The following SCAMP4 variants were observed in gnomAD, a reference collection of about 807,000 sequenced individuals.
SCAMP4 encodes secretory carrier membrane protein 4, also known as secretory carrier-associated membrane protein 4.
Under a neutral mutation model 32.1 loss-of-function variants are expected in SCAMP4, and 19 were observed. The observed-to-expected ratio is 0.59, with a 90% CI of 0.41 to 0.87. The LOEUF (loss-of-function observed/expected upper bound fraction) is 0.87. Among genes scored for constraint, SCAMP4 ranks in the 40% least tolerant of loss-of-function variants. The pLI is 0.00. For missense variants in SCAMP4, 302 were observed against 309.0 expected (o/e 0.98, Z 0.17); for synonymous variants, 152 against 132.7 (o/e 1.15, Z -1.00).
At chr19:1,920,290 A>G (rs4807168) in intron 5 of SCAMP4, 918,533 of 985,228 alleles carry the variant, frequency 0.93, 428,415 homozygotes, top group Non-Finnish European at 0.94. Context: ...CTGGGCTCCC[A>G]TTAGCAAGCT....
rs1251289597 is a variant in SCAMP4, at chr19:1,918,917, T to C, written c.322T>C (p.Phe108Leu). The C allele has an allele frequency of 1.2e-6, 2 of 1,611,870 alleles. No individual in the cohort carries two copies. Among genetic ancestry groups the C allele is most frequent in the African/African-American group, 1.3e-5 (1 of 74,984 alleles). Residue 108 changes from phenylalanine (F) to leucine (L), a missense_variant, in exon 5 of 7, where the codon TTT becomes CTT. Physicochemically the swap from Phe to Leu is conservative, Grantham distance 22. Transcript: ENST00000316097. ...RADSSFNFMA[F>L]FFIFGAQFVL... ...CGACAGCTCCTTTAATTTCATGGCG[T>C]TTTTCTTCATCTTCGGAGCCCAGTT...
rs1268041723 is a variant in SCAMP4, at chr19:1,917,827, G to C, written c.136+5G>C. 1 of 1,613,888 alleles carries C rather than the reference G, an allele frequency of 6.2e-7. No individual in the cohort carries two copies. Among genetic ancestry groups the C allele is most frequent in the Admixed American group, 1.7e-5 (1 of 60,030 alleles). ...GGATCTACCGGCTGTGGATGTGTGAGTGCGCCTGGGGGCAGGAGGCGGGAA... is the reference window on the plus strand; with the variant it reads ...GGATCTACCGGCTGTGGATGTGTGACTGCGCCTGGGGGCAGGAGGCGGGAA... On this transcript the variant is annotated splice_donor_5th_base_variant and intron_variant, in intron 3 of 6. Coordinates refer to ENST00000316097, the MANE Select transcript of SCAMP4 (RefSeq NM_079834.4).
intron 5 of SCAMP4, chr19:1,921,666 C>T: frequency 1.0e-6 from 1 of 985,364 alleles, no homozygotes; most frequent in South Asian, 4.7e-5. Flanking sequence ...TACATCCAAA[C>T]AGAGGTTTAC....
At chr19:1,915,322 T>C (rs2013695822) in intron 2 of SCAMP4, 2 of 514,234 alleles carry the variant, frequency 3.9e-6, no homozygotes, top group South Asian at 2.2e-5. Flanking sequence ...CGTGTTCTCA[T>C]GTGCCCCGGG....
chr19:1,918,242 C>G lies in SCAMP4; in HGVS notation c.252C>G (p.Cys84Trp). The change falls in exon 4 of 7, where the codon TGC (cysteine) becomes TGG (tryptophan). Residue 84 changes from cysteine (C) to tryptophan (W), a missense_variant. By Grantham distance (215) the Cys-to-Trp change is radical. Transcript: ENST00000316097. ...AFVWLLLFTP[C>W]GYVCWFRPVY... ...TGTGGCTGCTCCTGTTCACGCCTTG[C>G]GGCTACGTGTGCTGGTTCCGGCCTG... 1.2e-6 allele frequency: 2 copies of G among 1,609,212 alleles called. No homozygotes were observed. Among genetic ancestry groups the G allele is most frequent in the Non-Finnish European group, 8.5e-7 (1 of 1,179,546 alleles).
chr19:1,919,227 C>T (rs896124001), intron 5 of SCAMP4: 36 of 1,378,030 alleles, frequency 2.6e-5, no homozygotes, highest in African/African-American at 4.4e-5. Context: ...GGTCCGAGCT[C>T]GCCCTGGCAG....
intron 1 of SCAMP4, chr19:1,906,165 G>A (rs571256854): frequency 1.3e-5 from 2 of 152,024 alleles, no homozygotes; most frequent in Admixed American, 6.6e-5. Context: ...TTCGAGACCA[G>A]CCTGTCTAAC....
intron 5 of SCAMP4, chr19:1,919,415 A>C (rs1039804032): frequency 7.4e-5 from 73 of 984,056 alleles, no homozygotes; most frequent in Non-Finnish European, 8.1e-5. Flanking sequence ...CACCTGAGAA[A>C]CTCACAGTCA....
chr19:1,912,965 CTGCGCCATG>C (rs768965706), intron 1 of SCAMP4: 44 of 1,610,076 alleles, frequency 2.7e-5, no homozygotes, highest in African/African-American at 9.3e-5. Flanking sequence ...CCCGCGAGCC[CTGCGCCATG>C]TGCGCCATGG....
intron 5 of SCAMP4, chr19:1,920,276 T>G: frequency 3.0e-6 from 3 of 985,314 alleles, no homozygotes; most frequent in Non-Finnish European, 3.6e-6. Context: ...GTGCCTTTGG[T>G]TTCCTGGGCT....
At chr19:1,913,037 C>G in intron 1 of SCAMP4, 10 of 1,604,054 alleles carry the variant, frequency 6.2e-6, no homozygotes, top group Non-Finnish European at 8.5e-6. Context: ...CCTCGCCCGA[C>G]GGCGCCCTGG....
intron 2 of SCAMP4, among the ~76,000 whole-genome samples, chr19:1,915,825 A>C (rs1364929340): frequency 6.6e-6 from 1 of 152,210 alleles, no homozygotes; most frequent in South Asian, 2.1e-4. Context: ...GGGTGCCTGT[A>C]GTCCCAGCTA....
In SCAMP4 at chr19:1,908,929, A is replaced by T. The variant is rs1442819432; in HGVS notation, c.-42+3490A>T. On this transcript the variant is annotated intron_variant, in intron 1 of 6. Transcript: ENST00000316097. The surrounding 1 kb of genome is among the most constrained non-coding windows in gnomAD (Gnocchi z 4.2). ...AGACCAGCCTGGCCAACATGGTGGAACCCCGTCTCTACTGAAAATACAAAA... is the reference window on the plus strand; with the variant it reads ...AGACCAGCCTGGCCAACATGGTGGATCCCCGTCTCTACTGAAAATACAAAA... Among the ~76,000 whole-genome samples the T allele has an allele frequency of 6.6e-6, 1 of 151,808 alleles. No homozygotes were observed. The highest frequency in any genetic ancestry group is 1.5e-5 in the Non-Finnish European group (1 of 67,996).
chr19:1,913,028 C>G (rs1013163259), intron 1 of SCAMP4: 1 of 1,604,844 alleles, frequency 6.2e-7, no homozygotes, highest in Non-Finnish European at 8.5e-7. Flanking sequence ...ACGGTGCGCC[C>G]TCGCCCGACG....
chr19:1,920,788 C>T (rs1053706509), intron 5 of SCAMP4: 10 of 985,522 alleles, frequency 1.0e-5, no homozygotes, highest in Non-Finnish European at 1.2e-5. Flanking sequence ...CCCCAGCTCT[C>T]CCAGGCTGAG....
chr19:1,922,770 C>T, intron 5 of SCAMP4: 1 of 1,057,174 alleles, frequency 9.5e-7, no homozygotes. Context: ...CCATTCCCTG[C>T]ACGCACAGCC....
intron 2 of SCAMP4, 40 bp from the exon 3 acceptor site, chr19:1,917,654 A>T (rs749822151): frequency 6.2e-7 from 1 of 1,612,912 alleles, no homozygotes; most frequent in Admixed American, 1.7e-5. Context: ...CCTTCAAGAG[A>T]CAAAGTCTGG....
chr19:1,912,079 A>C (rs1428401254), intron 1 of SCAMP4: 2 of 1,454,284 alleles, frequency 1.4e-6, no homozygotes, highest in Admixed American at 5.1e-5. Context: ...TGTCTCCCAC[A>C]GTCGGCCTCG....
chr19:1,925,910 A>ACCCCCCCCC lies in SCAMP4; in HGVS notation c.*1627_*1635dup, dbSNP rs71174396. 6 of 112,702 alleles carry ACCCCCCCCC rather than the reference A, an allele frequency of 5.3e-5. No individual in the cohort carries two copies. Among genetic ancestry groups the ACCCCCCCCC allele is most frequent in the Admixed American group, 8.9e-5 (1 of 11,296 alleles). 7.0% of individuals were successfully genotyped at this position (112,702 alleles called of 1,614,324 possible). A position where few individuals can be genotyped will look rare whatever the true frequency, so the allele number is the denominator to read the frequency against. ...GACAAAATCTCACCTGGCAGGCCCA[A>ACCCCCCCCC]CCCCCCCCCACCCCTCCCCCGCCGT... On this transcript the variant is annotated 3_prime_UTR_variant, in exon 7 of 7. Coordinates refer to ENST00000316097, the MANE Select transcript of SCAMP4 (RefSeq NM_079834.4).
Sources: gnomAD v4.1 joint callset for allele counts (sites outside exome capture counted in the v4.1 genomes callset) on GRCh38, gnomAD v4.1.1 for gene constraint, Gnocchi (gnomAD v3.1) non-coding constraint, MANE v1.5 for transcripts, NCBI Gene and HGNC (gene_info 2026-07-23, HGNC 2026-07-21) for gene names.